Variants in USH2A observed in about 807,000 individuals in gnomAD.
USH2A encodes Usher syndrome 2A (autosomal recessive, mild).
A neutral mutation model predicts 538.9 loss-of-function variants in USH2A; 443 were observed. That is an observed-to-expected ratio of 0.82 (90% confidence interval 0.76 to 0.89). USH2A has a LOEUF of 0.89. USH2A is among the 40% of genes least tolerant of loss of function. The pLI is 0.00. For missense variants in USH2A, 6,633 were observed against 6,324.8 expected, an observed-to-expected ratio of 1.05 and a Z score of -1.65; for synonymous variants, 2,413 against 2,273.5, an observed-to-expected ratio of 1.06 and a Z score of -1.75.
intron 32 of USH2A, among the ~76,000 whole-genome samples, chr1:216,021,555 G>A (rs1366829250): frequency 1.3e-5 from 2 of 152,004 alleles, no homozygotes; most frequent in African/African-American, 4.8e-5. Context: ...AGACTAATAC[G>A]TGCCCTGAAG....
intron 41 of USH2A, among the ~76,000 whole-genome samples, chr1:215,887,572 A>T (rs1665093083): frequency 6.6e-6 from 1 of 152,228 alleles, no homozygotes; most frequent in African/African-American, 2.4e-5. Flanking sequence ...ATTAAAACTA[A>T]CAAAGACTTT....
At chr1:215,734,087 C>G (rs1469092812) in intron 60 of USH2A, among the ~76,000 whole-genome samples, 1 of 152,228 alleles carries the variant, frequency 6.6e-6, no homozygotes. Flanking sequence ...AGCCTTCTGC[C>G]TGGGCACCCA....
rs17026224 is a variant in USH2A, at chr1:216,173,714, A to G, written c.4627+1538T>C. On this transcript the variant is annotated intron_variant, in intron 21 of 71. Transcript: ENST00000307340. Reference sequence around the variant, plus strand: ...CGGTGGACGGGCCATTCTATCTTTCACTGCAACAACAGTAGGTGATCCCAT... The same window carrying G: ...CGGTGGACGGGCCATTCTATCTTTCGCTGCAACAACAGTAGGTGATCCCAT... Among the ~76,000 whole-genome samples the G allele has an allele frequency of 4.2e-3, 637 of 152,228 alleles. 1 individual carries two copies. Among genetic ancestry groups the G allele is most frequent in the African/African-American group, 0.015 (604 of 41,540 alleles).
intron 41 of USH2A, among the ~76,000 whole-genome samples, chr1:215,880,617 G>A (rs982541631): frequency 3.3e-5 from 5 of 152,148 alleles, no homozygotes; most frequent in Non-Finnish European, 5.9e-5. Flanking sequence ...TTTTGGAGGT[G>A]CAATGCTGTC....
In USH2A at chr1:215,900,090, T is replaced by A; in HGVS notation, c.7579A>T (p.Met2527Leu). The part of the protein sequence containing the change: ...GSAHSSWIPF[M>L]TAEDKPGPVV... Reference sequence around the variant, plus strand: ...GACCACTTACTGTCCTCTGCGGTCATGAATGGAATCCAAGAACTATGTGCA... The same window carrying A: ...GACCACTTACTGTCCTCTGCGGTCAAGAATGGAATCCAAGAACTATGTGCA... Residue 2527 changes from methionine to leucine, a missense_variant, in exon 40 of 72, where the codon ATG (methionine) becomes TTG (leucine). Coordinates refer to ENST00000307340, the MANE Select transcript of USH2A (RefSeq NM_206933.4). 1 of 1,613,736 alleles carries A rather than the reference T, an allele frequency of 6.2e-7. No individual in the cohort carries two copies. Among genetic ancestry groups the A allele is most frequent in the Non-Finnish European group, 8.5e-7 (1 of 1,179,748 alleles).
At chr1:215,879,467 T>A (rs948430162) in intron 41 of USH2A, among the ~76,000 whole-genome samples, 2 of 152,234 alleles carry the variant, frequency 1.3e-5, no homozygotes, top group East Asian at 3.9e-4. Context: ...ATGGTTTTCA[T>A]GTTTATAACT....
Position 215,728,184 on chromosome 1 carries a change from G to A in USH2A, c.11912C>T (p.Pro3971Leu), listed in dbSNP as rs748544321. ...ATGAGCACTCGTGGCTTGAGCCCAAGGAGCTGGAAAATCTTGAGGTGGAGC... is the reference window on the plus strand; with the variant it reads ...ATGAGCACTCGTGGCTTGAGCCCAAAGAGCTGGAAAATCTTGAGGTGGAGC... ...LEAPPQDFPA[P>L]WAQATSAHSV... is the part of the protein sequence containing the mutation. Residue 3971 changes from proline (P) to leucine (L), a missense_variant, in exon 61 of 72, where the codon CCT (proline) becomes CTT (leucine). Physicochemically the swap from Pro to Leu is moderately conservative, Grantham distance 98 (BLOSUM62 -3). Transcript: ENST00000307340. 1.2e-6 allele frequency: 2 copies of A among 1,614,044 alleles called. No individual in the cohort carries two copies. The highest frequency in any genetic ancestry group is 2.2e-5 in the East Asian group (1 of 44,886).
chr1:215,917,782 A>T (rs1347762429), intron 38 of USH2A, among the ~76,000 whole-genome samples: 1 of 3,076 alleles, frequency 3.3e-4, no homozygotes, highest in Non-Finnish European at 8.4e-4. Context: ...TATCACTACA[A>T]AAAAAAAAAA....
intron 43 of USH2A, among the ~76,000 whole-genome samples, chr1:215,876,919 G>T (rs953058687): frequency 6.6e-6 from 1 of 152,154 alleles, no homozygotes; most frequent in African/African-American, 2.4e-5. Context: ...ATGGTAAACA[G>T]GGTTCAGACT....
chr1:216,248,496 CAT>C (rs1572090156), intron 12 of USH2A, among the ~76,000 whole-genome samples: 1 of 151,706 alleles, frequency 6.6e-6, no homozygotes, highest in East Asian at 1.9e-4. Flanking sequence ...CTCAGGAACT[CAT>C]ATGTAGAAAA....
chr1:216,233,033 T>C (rs2035732379), intron 13 of USH2A, among the ~76,000 whole-genome samples: 1 of 152,198 alleles, frequency 6.6e-6, no homozygotes, highest in Admixed American at 6.5e-5. Flanking sequence ...CTTGTCCTGT[T>C]CCAATCTATT....
intron 4 of USH2A, among the ~76,000 whole-genome samples, chr1:216,341,782 T>A (rs1173874206): frequency 2.0e-5 from 3 of 152,154 alleles, no homozygotes; most frequent in African/African-American, 4.8e-5. Flanking sequence ...CTGGGAAAAC[T>A]GGCTAGCCTT....
At chr1:215,685,778 A>G (rs1411535583) in intron 61 of USH2A, among the ~76,000 whole-genome samples, 1 of 152,144 alleles carries the variant, frequency 6.6e-6, no homozygotes, top group African/African-American at 2.4e-5. Flanking sequence ...CCTGCAAAAT[A>G]TAAACATTGT....
intron 35 of USH2A, among the ~76,000 whole-genome samples, chr1:215,988,198 C>T (rs1039031626): frequency 1.3e-5 from 2 of 152,148 alleles, no homozygotes; most frequent in African/African-American, 2.4e-5. Flanking sequence ...CCCCCTTCCA[C>T]CCAGACCTTG....
At chr1:216,228,894 AAC>A (rs369189934) in intron 14 of USH2A, among the ~76,000 whole-genome samples, 357 of 152,216 alleles carry the variant, frequency 2.3e-3, no homozygotes, top group African/African-American at 8.3e-3. Context: ...TTTTGTTTAA[AAC>A]ACACACTCGG....
At chr1:216,346,787 A>G (rs2038183162) in intron 4 of USH2A, among the ~76,000 whole-genome samples, 1 of 151,690 alleles carries the variant, frequency 6.6e-6, no homozygotes, top group Non-Finnish European at 1.5e-5. Context: ...TGTTCCTCTA[A>G]GGCTCCACCC....
At chr1:215,724,075 TC>T (rs1659739948) in intron 61 of USH2A, among the ~76,000 whole-genome samples, 2 of 6,640 alleles carry the variant, frequency 3.0e-4, no homozygotes, top group African/African-American at 3.8e-4. Flanking sequence ...GAATGTGATA[TC>T]TATATCTATA....
chr1:216,283,189 C>A (rs1295708323), intron 11 of USH2A, among the ~76,000 whole-genome samples: 1 of 152,084 alleles, frequency 6.6e-6, no homozygotes, highest in African/African-American at 2.4e-5. Flanking sequence ...CAGGTTCACA[C>A]CATTCTCCCA....
intron 67 of USH2A, among the ~76,000 whole-genome samples, chr1:215,645,212 C>G (rs543352668): frequency 6.6e-6 from 1 of 151,908 alleles, no homozygotes; most frequent in East Asian, 1.9e-4. Context: ...AAAGGGTGAG[C>G]GGCAGAGGGA....
Sources: gnomAD v4.1 joint callset for allele counts (sites outside exome capture counted in the v4.1 genomes callset) on GRCh38, gnomAD v4.1.1 for gene constraint, MANE v1.5 for transcripts, NCBI Gene and HGNC (gene_info 2026-07-23, HGNC 2026-07-21) for gene names.